Variants in ENTHD1 observed in about 807,000 individuals in gnomAD.
ENTHD1 encodes ENTH domain containing 1.
ENTHD1 carries 23 observed loss-of-function variants against 39.1 expected under a neutral mutation model. The ratio of observed to expected loss-of-function variants is 0.59; its 90% confidence interval spans 0.42 to 0.83. The LOEUF is 0.83. ENTHD1 is among the 40% of genes least tolerant of loss of function. The probability of loss-of-function intolerance (pLI) is 0.00; values close to 1 mark genes in which losing one functional copy is unlikely to be tolerated. For synonymous variants in ENTHD1, 230 were observed against 258.2 expected (o/e 0.89, Z 1.05); for missense variants, 624 against 705.4 (o/e 0.88, Z 1.31).
At chr22:39,868,418 A>G (rs2066208478) in intron 2 of ENTHD1, among the ~76,000 whole-genome samples, 2 of 152,108 alleles carry the variant, frequency 1.3e-5, no homozygotes, top group African/African-American at 4.8e-5. Context: ...CACTCAAAAT[A>G]GCCTAAACAC....
chr22:39,821,897 A>T (rs1442472005), intron 4 of ENTHD1, among the ~76,000 whole-genome samples: 1 of 152,174 alleles, frequency 6.6e-6, no homozygotes, highest in East Asian at 1.9e-4. Context: ...AATCATATTC[A>T]TGAGGGCTAT....
At chr22:39,835,134 T>C (rs564046411) in intron 4 of ENTHD1, among the ~76,000 whole-genome samples, 1 of 152,142 alleles carries the variant, frequency 6.6e-6, no homozygotes, top group Admixed American at 6.5e-5. Flanking sequence ...AATTGAAAAG[T>C]TGAACAATGA....
At chr22:39,861,122 T>C (rs1450833290) in intron 3 of ENTHD1, among the ~76,000 whole-genome samples, 1 of 152,210 alleles carries the variant, frequency 6.6e-6, no homozygotes, top group Non-Finnish European at 1.5e-5. Context: ...ACTCCTTCAC[T>C]TTCCAGTTAA....
chr22:39,756,601 G>GA, intron 6 of ENTHD1, among the ~76,000 whole-genome samples: 1 of 152,196 alleles, frequency 6.6e-6, no homozygotes, highest in East Asian at 1.9e-4. Flanking sequence ...CCAAAGTGCT[G>GA]AGATTACAGG....
chr22:39,798,635 C>A (rs921451565), intron 5 of ENTHD1, among the ~76,000 whole-genome samples: 2 of 152,094 alleles, frequency 1.3e-5, no homozygotes. Flanking sequence ...GTGGCAACAA[C>A]AAGCTGAGGG....
Position 39,808,290 on chromosome 22 carries a change from G to A in ENTHD1, c.832+12703C>T, listed in dbSNP as rs530295872. ...GTTAGGTGCCCTCCTGTACATGTTC[G>A]TGTCCTCTCCCTATCCTGATACCTC... On this transcript the variant is annotated intron_variant, in intron 5 of 6. Transcript: ENST00000325157. Among the ~76,000 whole-genome samples, 16 of 152,184 alleles carry A rather than the reference G, an allele frequency of 1.1e-4. No individual in the cohort carries two copies. In the East Asian group the frequency reaches 2.1e-3, roughly 20 times the overall value.
At chr22:39,832,805 G>T (rs2065879565) in intron 4 of ENTHD1, among the ~76,000 whole-genome samples, 1 of 152,194 alleles carries the variant, frequency 6.6e-6, no homozygotes, top group Non-Finnish European at 1.5e-5. Flanking sequence ...GTGAGAGTGA[G>T]TAGGGGTGTC....
At chr22:39,821,256 C>T in intron 4 of ENTHD1, 143 bp from the exon 5 acceptor site, 1 of 1,081,390 alleles carries the variant, frequency 9.2e-7, no homozygotes, top group Non-Finnish European at 1.3e-6. Flanking sequence ...ATACATCTAT[C>T]ACTTGGCTGT....
At chr22:39,856,274 CAAAAAAA>C (rs34598525) in intron 3 of ENTHD1, among the ~76,000 whole-genome samples, 1 of 50,768 alleles carries the variant, frequency 2.0e-5, no homozygotes, top group Non-Finnish European at 4.1e-5. Flanking sequence ...AACTTCATCT[CAAAAAAA>C]AAAAAAAAAA....
At chr22:39,872,586 C>A (rs2066252624) in intron 2 of ENTHD1, among the ~76,000 whole-genome samples, 1 of 152,106 alleles carries the variant, frequency 6.6e-6, no homozygotes, top group Non-Finnish European at 1.5e-5. Context: ...TAATTTATAT[C>A]TCATCTATAG....
chr22:39,861,877 T>C lies in ENTHD1; in HGVS notation c.480A>G (p.Arg160=). The change falls in exon 3 of 7, where the codon AGA becomes AGG. Residue 160 remains arginine, a synonymous_variant. Transcript: ENST00000325157. ...TCAGTGAGTTACTTGAACCAAGTTG[T>C]CTTTTAGAAAACAATATAGAGTGGG... The part of the protein sequence containing the change: ...RTSHSILFSK[R]QLGSSNSLTA... 6.2e-7 allele frequency: 1 copy of C among 1,606,418 alleles called. No individual in the cohort carries two copies. Among genetic ancestry groups the C allele is most frequent in the Non-Finnish European group, 8.5e-7 (1 of 1,174,792 alleles).
chr22:39,812,638 A>G (rs2065698752), intron 5 of ENTHD1, among the ~76,000 whole-genome samples: 1 of 152,210 alleles, frequency 6.6e-6, no homozygotes, highest in Non-Finnish European at 1.5e-5. Context: ...GGGCTCAACA[A>G]CATGACTGCT....
At chr22:39,883,095 T>C (rs1047100248) in intron 2 of ENTHD1, among the ~76,000 whole-genome samples, 2 of 152,140 alleles carry the variant, frequency 1.3e-5, no homozygotes, top group Non-Finnish European at 2.9e-5. Flanking sequence ...GGAATCTTTT[T>C]CATTAATTTT....
At chr22:39,790,176 T>G (rs947999672) in intron 5 of ENTHD1, among the ~76,000 whole-genome samples, 6 of 152,308 alleles carry the variant, frequency 3.9e-5, no homozygotes, top group African/African-American at 1.4e-4. Flanking sequence ...TGGGAGGTGC[T>G]TAAGCAAAGG....
At chr22:39,799,593 C>T (rs1217712271) in intron 5 of ENTHD1, among the ~76,000 whole-genome samples, 1 of 152,206 alleles carries the variant, frequency 6.6e-6, no homozygotes, top group Non-Finnish European at 1.5e-5. Flanking sequence ...CCACCACACA[C>T]GAGCTGAAGA....
intron 5 of ENTHD1, among the ~76,000 whole-genome samples, chr22:39,794,541 G>T (rs1283710581): frequency 6.6e-6 from 1 of 152,238 alleles, no homozygotes; most frequent in East Asian, 1.9e-4. Context: ...AGTGGCTCAC[G>T]CCTGTAATCC....
chr22:39,773,829 A>C (rs547205742), intron 5 of ENTHD1, among the ~76,000 whole-genome samples: 3 of 152,350 alleles, frequency 2.0e-5, no homozygotes, highest in African/African-American at 7.2e-5. Flanking sequence ...TTAGGTTTAG[A>C]GGTATAAAGA....
At chr22:39,767,462 A>AAAAACAAAAC in intron 5 of ENTHD1, among the ~76,000 whole-genome samples, 1 of 152,268 alleles carries the variant, frequency 6.6e-6, no homozygotes, top group Non-Finnish European at 1.5e-5. Flanking sequence ...CATTTCTATG[A>AAAAACAAAAC]AAAACAAAAC....
At chr22:39,760,187 A>G (rs1173711437) in intron 6 of ENTHD1, among the ~76,000 whole-genome samples, 1 of 152,056 alleles carries the variant, frequency 6.6e-6, no homozygotes, top group Non-Finnish European at 1.5e-5. Flanking sequence ...CTACATACTC[A>G]TGGATTTTTA....
Sources: allele counts gnomAD v4.1 joint callset (sites outside exome capture counted in the v4.1 genomes callset), GRCh38; gene constraint gnomAD v4.1.1; transcripts MANE v1.5; gene names NCBI Gene and HGNC (gene_info 2026-07-23, HGNC 2026-07-21).